Variants in EP400 observed in about 807,000 individuals in gnomAD.
EP400 encodes the protein E1A-binding protein p400.
EP400 carries 105 observed loss-of-function variants against 354.1 expected under a neutral mutation model. That is an observed-to-expected ratio of 0.30 (90% CI 0.25 to 0.35). The LOEUF (loss-of-function observed/expected upper bound fraction) is 0.35, where lower values mean the gene tolerates loss of function less well. Ranked by LOEUF, EP400 falls within the 10% of genes least tolerant of loss-of-function variation. EP400 has a pLI of 1.00. For synonymous variants in EP400, 1,646 were observed against 1,716.9 expected (o/e 0.96, Z 1.02); for missense variants, 3,280 against 4,121.0 (o/e 0.80, Z 5.59).
At chr12:132,059,666 T>G (rs1895623355) in intron 45 of EP400, among the ~76,000 whole-genome samples, 1 of 152,216 alleles carries the variant, frequency 6.6e-6, no homozygotes, top group Non-Finnish European at 1.5e-5. Context: ...TGACAGACAC[T>G]GGATAGGCCT....
At chr12:132,058,191 A>C (rs1895577120) in intron 45 of EP400, among the ~76,000 whole-genome samples, 1 of 152,046 alleles carries the variant, frequency 6.6e-6, no homozygotes, top group African/African-American at 2.4e-5. Flanking sequence ...GTGCATGGAG[A>C]ATGGCATGTT....
rs550660819 is a variant in EP400, at chr12:131,990,780, A to G, written c.2629+66A>G. 3.5e-5 allele frequency: 44 copies of G among 1,240,880 alleles called. No individual in the cohort carries two copies. The highest frequency in any genetic ancestry group is 4.9e-5 in the Non-Finnish European group (42 of 861,516). 76.9% of individuals were successfully genotyped at this position (1,240,880 alleles called of 1,614,324 possible). A position where few individuals can be genotyped will look rare whatever the true frequency, so the allele number is the denominator to read the frequency against. On this transcript the variant is annotated intron_variant, in intron 9 of 52. Coordinates refer to ENST00000389561, the MANE Select transcript of EP400 (RefSeq NM_015409.5). This position sits in a 1 kb window ranked among gnomAD's most constrained non-coding sequence, Gnocchi z 4.2. Reference sequence around the variant, plus strand: ...ATTTTGTTCGGATTCTTTTCTCAGCAGGCAGTCTCCTGGCGCTGTGGCTTC... The same window carrying G: ...ATTTTGTTCGGATTCTTTTCTCAGCGGGCAGTCTCCTGGCGCTGTGGCTTC...
chr12:131,994,765 T>C lies in EP400; in HGVS notation c.2738-102T>C, dbSNP rs1056027745. On this transcript the variant is annotated intron_variant, in intron 11 of 52. Coordinates refer to ENST00000389561, the MANE Select transcript of EP400 (RefSeq NM_015409.5). This position sits in a 1 kb window ranked among gnomAD's most constrained non-coding sequence, Gnocchi z 4.6. ...TTTAAAAGCTCAGTTTCAATTTCTGTAATAGCTATGCAAAATAATTTCGAA... is the reference window on the plus strand; with the variant it reads ...TTTAAAAGCTCAGTTTCAATTTCTGCAATAGCTATGCAAAATAATTTCGAA... 2.2e-6 allele frequency: 2 copies of C among 898,662 alleles called. No individual in the cohort carries two copies. Among genetic ancestry groups the C allele is most frequent in the African/African-American group, 1.7e-5 (1 of 58,460 alleles). The allele number at this position is 898,662 out of a possible 1,614,324, so 55.7% of individuals were successfully genotyped here. A position where few individuals can be genotyped will look rare whatever the true frequency, so the allele number is the denominator to read the frequency against.
Position 132,062,557 on chromosome 12 carries a change from G to GCAA in EP400, c.8192_8193insACA (p.Gln2748dup), listed in dbSNP as rs1565933228. On this transcript the variant is annotated inframe_insertion, in exon 47 of 53. Transcript: ENST00000389561. ...AGCAGCAGCAGCAACAACAGCAGCA[G>GCAA]CAGCAGCAGCAGCAGCAGCAGCAGC... The GCAA allele has an allele frequency of 6.3e-7, 1 of 1,587,380 alleles. No homozygotes were observed.
chr12:132,039,099 AGCCCCCTCCTTGCCT>A (rs1446180554), intron 32 of EP400, among the ~76,000 whole-genome samples: 1 of 151,726 alleles, frequency 6.6e-6, no homozygotes, highest in Admixed American at 6.6e-5. Context: ...TCATGGTGTC[AGCCCCCTCCTTGCCT>A]GTGCTCAGCT....
chr12:132,013,562 C>T lies in EP400; in HGVS notation c.3684C>T (p.Phe1228=), dbSNP rs1893832134. ...TGGAGCTCTGGACCATGGTGCACTT[C>T]CTGGTCCCAGGGATCTCCAGGCCCT... ...TFLELWTMVH[F]LVPGISRPYL... is the part of the protein sequence containing the mutation. Residue 1228 remains phenylalanine (F), a synonymous_variant, in exon 18 of 53, where the codon TTC becomes TTT. Transcript: ENST00000389561. This position sits in a 1 kb window ranked among gnomAD's most constrained non-coding sequence, Gnocchi z 4.5. 5 of 1,613,536 alleles carry T rather than the reference C, an allele frequency of 3.1e-6. No individual in the cohort carries two copies. The highest frequency in any genetic ancestry group is 4.2e-6 in the Non-Finnish European group (5 of 1,179,740).
intron 43 of EP400, 126 bp downstream of exon 43, chr12:132,053,723 C>A: frequency 9.1e-7 from 1 of 1,103,864 alleles, no homozygotes; most frequent in Non-Finnish European, 1.2e-6. Context: ...GCTTGTAGAC[C>A]TTCCTCTGAA....
chr12:131,975,315 C>T lies in EP400; in HGVS notation c.1336-4379C>T, dbSNP rs538061801. On this transcript the variant is annotated intron_variant, in intron 2 of 52. Coordinates refer to ENST00000389561, the MANE Select transcript of EP400 (RefSeq NM_015409.5). The stretch of plus-strand genomic sequence containing the variant: ...ATGTAGATATCCAGTTTTCTAGCAC[C>T]GTTTGTTGAAAAGACTGTCTGTTCC... Among the ~76,000 whole-genome samples, 12 of 152,222 alleles carry T rather than the reference C, an allele frequency of 7.9e-5. No homozygotes were observed. In the South Asian group the frequency reaches 2.3e-3, roughly 29 times the overall value.
In EP400 at chr12:132,037,455, C is replaced by T. The variant is rs1197083834; in HGVS notation, c.5952-227C>T. On this transcript the variant is annotated intron_variant, in intron 30 of 52. Coordinates refer to ENST00000389561, the MANE Select transcript of EP400 (RefSeq NM_015409.5). ...CGGGTGGAAGGATGAGGTGGCACAGCGAAGAGTCTTCCGGAGGGGCCTCCT... is the reference window on the plus strand; with the variant it reads ...CGGGTGGAAGGATGAGGTGGCACAGTGAAGAGTCTTCCGGAGGGGCCTCCT... Among the ~76,000 whole-genome samples the T allele has an allele frequency of 5.9e-5, 9 of 152,218 alleles. No individual in the cohort carries two copies. In the East Asian group the frequency reaches 1.2e-3, roughly 20 times the overall value.
At chr12:132,034,374 T>A (rs1217021557) in intron 30 of EP400, among the ~76,000 whole-genome samples, 1 of 152,236 alleles carries the variant, frequency 6.6e-6, no homozygotes, top group East Asian at 1.9e-4. Flanking sequence ...TGGGTAGACT[T>A]CATTCATGAA....
chr12:132,076,475 T>G, intron 51 of EP400, 41 bp from the exon 52 acceptor site: 1 of 1,593,908 alleles, frequency 6.3e-7, no homozygotes, highest in Non-Finnish European at 8.6e-7. Flanking sequence ...GTGCACATAC[T>G]CCTTTGAATT....
chr12:131,982,574 G>A (rs947417196), intron 5 of EP400, 96 bp downstream of exon 5: 26 of 1,456,354 alleles, frequency 1.8e-5, no homozygotes, highest in South Asian at 5.6e-5. Flanking sequence ...TGTAATTTGT[G>A]TATTTTCTCT....
intron 15 of EP400, among the ~76,000 whole-genome samples, chr12:132,008,434 C>G (rs988927341): frequency 6.6e-6 from 1 of 152,122 alleles, no homozygotes; most frequent in African/African-American, 2.4e-5. Flanking sequence ...GTCTTTGGCC[C>G]GTGTCACACA....
At chr12:131,952,510 T>A (rs1295938674) in intron 1 of EP400, among the ~76,000 whole-genome samples, 1 of 152,024 alleles carries the variant, frequency 6.6e-6, no homozygotes, top group Non-Finnish European at 1.5e-5. Context: ...TCACCCAGGC[T>A]GGAGTGCAGT....
rs1011860306 is a variant in EP400, at chr12:131,949,998, CCCT to C, written c.-70_-68del. The C allele has an allele frequency of 2.0e-5, 3 of 151,852 alleles. No homozygotes were observed. The highest frequency in any genetic ancestry group is 7.2e-5 in the African/African-American group (3 of 41,426). 9.4% of individuals were successfully genotyped at this position (151,852 alleles called of 1,614,324 possible). On this transcript the variant is annotated 5_prime_UTR_variant, in exon 1 of 53. Coordinates refer to ENST00000389561, the MANE Select transcript of EP400 (RefSeq NM_015409.5). ...CTGCGGCGCGGCTTCCATCCTCCCG[CCCT>C]CCTGACGCGGCCGGAGCGCAGCCCT...
intron 32 of EP400, among the ~76,000 whole-genome samples, chr12:132,039,963 C>T (rs1458320701): frequency 6.6e-6 from 1 of 152,170 alleles, no homozygotes; most frequent in Non-Finnish European, 1.5e-5. Flanking sequence ...TCACTTAAGC[C>T]CAGGAGATTG....
At chr12:132,051,496 C>T (rs1895286835) in intron 41 of EP400, among the ~76,000 whole-genome samples, 1 of 152,150 alleles carries the variant, frequency 6.6e-6, no homozygotes, top group African/African-American at 2.4e-5. Flanking sequence ...ATAGGTAAGG[C>T]CACGTGGATC....
In EP400 at chr12:132,021,089, C is replaced by T; in HGVS notation, c.4458C>T (p.Ala1486=). 2 of 1,596,992 alleles carry T rather than the reference C, an allele frequency of 1.3e-6. No individual in the cohort carries two copies. The highest frequency in any genetic ancestry group is 2.2e-5 in the East Asian group (1 of 44,698). The change falls in exon 23 of 53, where the codon GCC becomes GCT. Residue 1486 remains alanine, a synonymous_variant. Transcript: ENST00000389561. ...CCTTATCGATTGCAGCAGCAGCAGC[C>T]CCGTTTCAGACCTCTCAGGCTTCCG... ...SANPEAKAAA[A]PFQTSQASAS... is the part of the protein sequence containing the mutation.
Position 132,025,892 on chromosome 12 carries a change from G to A in EP400, c.5014+88G>A. 4.2e-6 allele frequency: 6 copies of A among 1,423,368 alleles called. No individual in the cohort carries two copies. The highest frequency in any genetic ancestry group is 4.6e-6 in the Non-Finnish European group (5 of 1,081,312). The allele number at this position is 1,423,368 out of a possible 1,614,324, so 88.2% of individuals were successfully genotyped here. The stretch of plus-strand genomic sequence containing the variant: ...GAGTGGAAAGCATTCATGTGTCTTT[G>A]ACTGTATCTCAGAACAGCACAGTCT... On this transcript the variant is annotated intron_variant, in intron 25 of 52. Transcript: ENST00000389561. This position sits in a 1 kb window ranked among gnomAD's most constrained non-coding sequence, Gnocchi z 4.1.
Sources: gnomAD v4.1 joint callset for allele counts (sites outside exome capture counted in the v4.1 genomes callset) on GRCh38, gnomAD v4.1.1 for gene constraint, Gnocchi (gnomAD v3.1) non-coding constraint, MANE v1.5 for transcripts, NCBI Gene and HGNC (gene_info 2026-07-23, HGNC 2026-07-21) for gene names.